The following UMPS variants were observed in gnomAD, a reference collection of about 807,000 sequenced individuals.
UMPS encodes the protein uridine monophosphate synthetase.
Under a neutral mutation model 38.9 loss-of-function variants are expected in UMPS, and 21 were observed. The ratio of observed to expected loss-of-function variants is 0.54; its 90% CI spans 0.38 to 0.78. The LOEUF is 0.78. UMPS is among the 30% of genes least tolerant of loss of function. UMPS has a pLI of 0.00. For synonymous variants in UMPS, 208 were observed against 219.3 expected (o/e 0.95, Z 0.45); for missense variants, 533 against 591.6 (o/e 0.90, Z 1.03).
In UMPS at chr3:124,747,971, C is replaced by T. The variant is rs1026770201; in HGVS notation, c.*3887C>T. 2 of 453,672 alleles carry T rather than the reference C, an allele frequency of 4.4e-6. No homozygotes were observed. Among genetic ancestry groups the T allele is most frequent in the Non-Finnish European group, 8.8e-6 (2 of 226,696 alleles). 28.1% of individuals were successfully genotyped at this position (453,672 alleles called of 1,614,324 possible). ...TGGGTATGAATCGTGTCTTCAGTGC[C>T]AGGGCTGAATGAGAAAGGGCATTCC... On this transcript the variant is annotated 3_prime_UTR_variant, in exon 6 of 6. Coordinates refer to ENST00000232607, the MANE Select transcript of UMPS (RefSeq NM_000373.4).
Position 124,746,679 on chromosome 3 carries a change from G to A in UMPS, c.*2595G>A, listed in dbSNP as rs1458674839. ...CATGGGGTGCACAGAATGTCTGTGA[G>A]ACTGATGGAGTGGAGAACGCCATCC... On this transcript the variant is annotated 3_prime_UTR_variant, in exon 6 of 6. Transcript: ENST00000232607. The A allele has an allele frequency of 2.2e-6, 1 of 453,566 alleles. No individual in the cohort carries two copies. Among genetic ancestry groups the A allele is most frequent in the Non-Finnish European group, 4.4e-6 (1 of 226,484 alleles). The allele number at this position is 453,566 out of a possible 1,614,324, so 28.1% of individuals were successfully genotyped here.
Position 124,738,158 on chromosome 3 carries a change from C to T in UMPS, c.901C>T (p.Leu301=), listed in dbSNP as rs766823064. 5 of 1,614,066 alleles carry T rather than the reference C, an allele frequency of 3.1e-6. No homozygotes were observed. In the Admixed American group the frequency reaches 8.3e-5, roughly 27 times the overall value. The change falls in exon 3 of 6, where the codon CTG becomes TTG. Residue 301 remains leucine, a synonymous_variant. Transcript: ENST00000232607. ...TLDVMKELIT[L]AKCHEFLIFE... is the part of the protein sequence containing the mutation. Reference sequence around the variant, plus strand: ...GGATGTGATGAAGGAGTTGATAACTCTGGCAAAATGCCATGAGTTCTTGAT... The same window carrying T: ...GGATGTGATGAAGGAGTTGATAACTTTGGCAAAATGCCATGAGTTCTTGAT...
chr3:124,733,249 C>G (rs1187524108), intron 1 of UMPS, among the ~76,000 whole-genome samples: 1 of 152,070 alleles, frequency 6.6e-6, no homozygotes, highest in Non-Finnish European at 1.5e-5. Context: ...ATGCATTTTC[C>G]AAATCTGTTT....
chr3:124,742,282 G>T lies in UMPS; in HGVS notation c.1273+16G>T. On this transcript the variant is annotated intron_variant, in intron 5 of 5. Transcript: ENST00000232607. ...GAAGCAGGAGGTAAATCTGGTCACTGGTCGTGGCTCTTCCAAAAATGCTTC... is the reference window on the plus strand; with the variant it reads ...GAAGCAGGAGGTAAATCTGGTCACTTGTCGTGGCTCTTCCAAAAATGCTTC... 6.3e-7 allele frequency: 1 copy of T among 1,588,700 alleles called. No homozygotes were observed. Among genetic ancestry groups the T allele is most frequent in the Non-Finnish European group, 8.6e-7 (1 of 1,156,882 alleles).
At position 124,738,220 on chromosome 3, in the gene UMPS, A is replaced by G. The variant is rs1236516521; in HGVS notation, c.963A>G (p.Thr321=). 1 of 1,613,976 alleles carries G rather than the reference A, an allele frequency of 6.2e-7. No individual in the cohort carries two copies. Among genetic ancestry groups the G allele is most frequent in the African/African-American group, 1.3e-5 (1 of 74,952 alleles). ...GGAAGTTTGCAGATATAGGAAACAC[A>G]GTGAAAAAGCAGTATGAAGGTAAGT... The part of the protein sequence containing the change: ...EDRKFADIGN[T]VKKQYEGGIF... Residue 321 remains threonine (T), a synonymous_variant, in exon 3 of 6, where the codon ACA becomes ACG. Coordinates refer to ENST00000232607, the MANE Select transcript of UMPS (RefSeq NM_000373.4).
chr3:124,736,039 T>G (rs2063516122), intron 2 of UMPS, among the ~76,000 whole-genome samples: 1 of 152,130 alleles, frequency 6.6e-6, no homozygotes, highest in Non-Finnish European at 1.5e-5. Context: ...CCCAGCACTT[T>G]GGGAGGGCAA....
chr3:124,745,763 A>G lies in UMPS; in HGVS notation c.*1679A>G. 2.2e-6 allele frequency: 1 copy of G among 454,056 alleles called. No individual in the cohort carries two copies. The highest frequency in any genetic ancestry group is 4.4e-6 in the Non-Finnish European group (1 of 226,756). The allele number at this position is 454,056 out of a possible 1,614,324, so 28.1% of individuals were successfully genotyped here. ...AATTTTCTGACAAAAACTTGCAGGA[A>G]TCTCTTAGGTGTCTTCAGTGTTGGA... On this transcript the variant is annotated 3_prime_UTR_variant, in exon 6 of 6. Coordinates refer to ENST00000232607, the MANE Select transcript of UMPS (RefSeq NM_000373.4).
In UMPS at chr3:124,748,660, A is replaced by G. The variant is rs746827769; in HGVS notation, c.*4576A>G. On this transcript the variant is annotated 3_prime_UTR_variant, in exon 6 of 6. Transcript: ENST00000232607. The stretch of plus-strand genomic sequence containing the variant: ...AGGAAGGGCAGTTGACACCCAAAAT[A>G]AGGGTGGGGAACTGTCAGCAGAGGA... 6.6e-6 allele frequency: 3 copies of G among 453,786 alleles called. No individual in the cohort carries two copies. Among genetic ancestry groups the G allele is most frequent in the African/African-American group, 6.0e-5 (3 of 49,938 alleles). The allele number at this position is 453,786 out of a possible 1,614,324, so 28.1% of individuals were successfully genotyped here.
At chr3:124,732,559 G>C (rs1386341015) in intron 1 of UMPS, 1 of 154,794 alleles carries the variant, frequency 6.5e-6, no homozygotes, top group Non-Finnish European at 1.5e-5. Context: ...CCGTAAATAT[G>C]CTTTCCAATA....
rs983790966 is a variant in UMPS at position 124,748,733 on chromosome 3, A to G, written c.*4649A>G. On this transcript the variant is annotated 3_prime_UTR_variant, in exon 6 of 6. Transcript: ENST00000232607. ...GCTGGGGTTGGGGGGAGCCCAGGAG[A>G]GCAGGAAGATCCAGAGATCCCTCGC... 2 of 438,056 alleles carry G rather than the reference A, an allele frequency of 4.6e-6. No homozygotes were observed. The highest frequency in any genetic ancestry group is 9.1e-6 in the Non-Finnish European group (2 of 219,022). The allele number at this position is 438,056 out of a possible 1,614,324, so 27.1% of individuals were successfully genotyped here.
At chr3:124,730,701 G>C in intron 1 of UMPS, 74 bp downstream of exon 1, 1 of 1,550,530 alleles carries the variant, frequency 6.4e-7, no homozygotes, top group Non-Finnish European at 8.7e-7. Context: ...AGGGTGACAG[G>C]AGTTGGGCCG....
intron 2 of UMPS, 78 bp from the exon 3 acceptor site, chr3:124,737,490 T>C: frequency 7.2e-7 from 1 of 1,396,024 alleles, no homozygotes; most frequent in Non-Finnish European, 1.0e-6. Context: ...AAGTTTTGTA[T>C]ACAGAGTGTG....
intron 1 of UMPS, among the ~76,000 whole-genome samples, chr3:124,731,238 G>C (rs146016235): frequency 1.2e-4 from 19 of 152,262 alleles, no homozygotes; most frequent in African/African-American, 4.3e-4. Context: ...GAAAACGTGG[G>C]TAGGCAGAGA....
At chr3:124,742,082 A>C in intron 4 of UMPS, 70 bp from the exon 5 acceptor site, 1 of 1,072,922 alleles carries the variant, frequency 9.3e-7, no homozygotes, top group Non-Finnish European at 1.4e-6. Context: ...GAAAAAATAG[A>C]GCATATTTTT....
At position 124,743,904 on chromosome 3, in the gene UMPS, G is replaced by A. The variant is rs1402465180; in HGVS notation, c.1274-11G>A. On this transcript the variant is annotated splice_polypyrimidine_tract_variant and intron_variant, in intron 5 of 5. Transcript: ENST00000232607. ...TATTATGTGAAACAACAATTTTTGT[G>A]TTTCTTGCAGGAGATAATCTTGGCC... is the stretch of plus-strand genomic sequence containing the variant. 1.9e-6 allele frequency: 3 copies of A among 1,613,890 alleles called. No homozygotes were observed. The highest frequency in any genetic ancestry group is 2.2e-5 in the South Asian group (2 of 91,046).
In UMPS at chr3:124,744,003, C is replaced by T; in HGVS notation, c.1362C>T (p.Ile454=). 6.2e-7 allele frequency: 1 copy of T among 1,614,238 alleles called. No individual in the cohort carries two copies. The highest frequency in any genetic ancestry group is 8.5e-7 in the Non-Finnish European group (1 of 1,180,042). The change falls in exon 6 of 6, where the codon ATC becomes ATT. Residue 454 remains isoleucine (I), a synonymous_variant. Transcript: ENST00000232607. ...SDIIIVGRGI[I]SAADRLEAAE... ...TCATCATTGTAGGTCGTGGCATAAT[C>T]TCAGCAGCTGATCGTCTGGAAGCAG... is the stretch of plus-strand genomic sequence containing the variant.
chr3:124,738,373 G>C, intron 3 of UMPS, 134 bp downstream of exon 3: 2 of 876,070 alleles, frequency 2.3e-6, no homozygotes, highest in South Asian at 2.9e-5. Flanking sequence ...AGGAGCTCAA[G>C]TGATATCTTC....
rs1161593356 is a variant in UMPS at position 124,748,815 on chromosome 3, G to A, written c.*4731G>A. The A allele has an allele frequency of 1.3e-5, 5 of 398,494 alleles. No homozygotes were observed. The highest frequency in any genetic ancestry group is 4.1e-5 in the African/African-American group (2 of 48,326). The allele number at this position is 398,494 out of a possible 1,614,324, so 24.7% of individuals were successfully genotyped here. A position where few individuals can be genotyped will look rare whatever the true frequency, so the allele number is the denominator to read the frequency against. On this transcript the variant is annotated 3_prime_UTR_variant, in exon 6 of 6. Transcript: ENST00000232607. ...CCTGAGGTGGCCTGAGCTTCCTGTGGCTCCAGAGTAACATTATAGAGAAGC... is the reference window on the plus strand; with the variant it reads ...CCTGAGGTGGCCTGAGCTTCCTGTGACTCCAGAGTAACATTATAGAGAAGC...
chr3:124,737,781 C>T lies in UMPS; in HGVS notation c.524C>T (p.Thr175Ile), dbSNP rs746423223. Residue 175 changes from threonine (T) to isoleucine (I), a missense_variant, in exon 3 of 6, where the codon ACA becomes ATA. Physicochemically the swap from Thr to Ile is moderately conservative, Grantham distance 89 (BLOSUM62 -1). Transcript: ENST00000232607. ...GGGATCCGCCTCCACTCAGTGTGTA[C>T]ATTGTCCAAAATGCTGGAGATTCTC... ...AHGIRLHSVC[T>I]LSKMLEILEQ... 2 of 1,614,166 alleles carry T rather than the reference C, an allele frequency of 1.2e-6. No homozygotes were observed. Among genetic ancestry groups the T allele is most frequent in the Admixed American group, 3.3e-5 (2 of 60,016 alleles).
Sources: allele counts gnomAD v4.1 joint callset (sites outside exome capture counted in the v4.1 genomes callset), GRCh38; gene constraint gnomAD v4.1.1; transcripts MANE v1.5; gene names NCBI Gene and HGNC (gene_info 2026-07-23, HGNC 2026-07-21).